PLCH2: variants seen among roughly 807,000 people sequenced by gnomAD.
PLCH2 encodes the protein 1-phosphatidylinositol 4,5-bisphosphate phosphodiesterase eta-2.
A neutral mutation model predicts 134.7 loss-of-function variants in PLCH2; 98 were observed. That is an observed-to-expected ratio of 0.73 (90% CI 0.62 to 0.86). PLCH2 has a LOEUF of 0.86. Among genes scored for constraint, PLCH2 ranks in the 40% least tolerant of loss-of-function variants. The pLI is 0.00. For missense variants in PLCH2, 1,994 were observed against 1,986.6 expected (o/e 1.00, Z -0.07); for synonymous variants, 974 against 827.5 (o/e 1.18, Z -3.04).
At chr1:2,466,770 AG>A (rs1469156128), upstream of PLCH2, among the ~76,000 whole-genome samples, 1 of 152,188 alleles carries the variant, frequency 6.6e-6, no homozygotes, top group Admixed American at 6.5e-5. Flanking sequence ...CAGCGCGTGC[AG>A]GGGGAGGCAG....
rs1240426808 is a variant in PLCH2 at position 2,439,587 on chromosome 1, G to A, written c.115+8958G>A. ...CCCATTGATTGAGTTGCGTGCACGT[G>A]CTCTCTCTGCAGTGCTCAGCTGTGC... is the stretch of plus-strand genomic sequence containing the variant. On this transcript the variant is annotated intron_variant, in intron 2 of 3. Coordinates refer to the PLCH2 transcript ENST00000609981. The surrounding 1 kb of genome is among the most constrained non-coding windows in gnomAD (Gnocchi z 4.7). 6.6e-6 allele frequency among the ~76,000 whole-genome samples: 1 copy of A among 152,210 alleles called. No homozygotes were observed. The highest frequency in any genetic ancestry group is 1.5e-5 in the Non-Finnish European group (1 of 68,032).
chr1:2,421,776 C>A (rs1174130609), upstream of PLCH2, among the ~76,000 whole-genome samples: 1 of 152,052 alleles, frequency 6.6e-6, no homozygotes, highest in African/African-American at 2.4e-5. Context: ...GAGTTTGAGA[C>A]CAGCCTGGCC....
At chr1:2,471,725 A>G (rs1641332071), upstream of PLCH2, among the ~76,000 whole-genome samples, 3 of 152,090 alleles carry the variant, frequency 2.0e-5, 1 homozygote, top group South Asian at 6.2e-4. Context: ...GGCCATCGAG[A>G]ACCTGTCCCC....
chr1:2,491,728 C>A (rs1023666293), intron 11 of PLCH2, among the ~76,000 whole-genome samples: 7 of 152,216 alleles, frequency 4.6e-5, no homozygotes, highest in African/African-American at 1.7e-4. Context: ...CCGGGTCCTG[C>A]GGTCACAGAG....
intron 2 of PLCH2, among the ~76,000 whole-genome samples, chr1:2,460,256 T>A (rs751565434): frequency 2.0e-5 from 3 of 152,192 alleles, no homozygotes; most frequent in African/African-American, 4.8e-5. Flanking sequence ...CCAGGCCGGG[T>A]TCCCCCAAGA....
chr1:2,424,411 A>AC (rs1175144541), upstream of PLCH2, among the ~76,000 whole-genome samples: 1 of 152,136 alleles, frequency 6.6e-6, no homozygotes, highest in African/African-American at 2.4e-5. Context: ...CCAGCTTTCT[A>AC]CCCTGCTTCT....
chr1:2,494,229 T>C (rs1477229803), intron 11 of PLCH2, among the ~76,000 whole-genome samples: 1 of 151,964 alleles, frequency 6.6e-6, no homozygotes, highest in Non-Finnish European at 1.5e-5. Flanking sequence ...GGAATGAGCT[T>C]TGGGGTGAAT....
chr1:2,457,937 T>A (rs77238314), intron 2 of PLCH2, among the ~76,000 whole-genome samples: 5,186 of 150,262 alleles, frequency 0.035, 174 homozygotes, highest in African/African-American at 0.089. Context: ...CGGCCCATGC[T>A]GTCCACCGGG....
At chr1:2,427,794 CAGAAG>C (rs1487768350) in intron 1 of PLCH2, among the ~76,000 whole-genome samples, 14 of 152,086 alleles carry the variant, frequency 9.2e-5, no homozygotes, top group African/African-American at 1.7e-4. Flanking sequence ...GGGAGCCCTC[CAGAAG>C]TGGGAGCCCT....
chr1:2,426,753 C>T (rs906810012), intron 1 of PLCH2, among the ~76,000 whole-genome samples: 3 of 152,208 alleles, frequency 2.0e-5, no homozygotes, highest in South Asian at 2.1e-4. Context: ...CTTCCTGACA[C>T]GGTTGTGGGG....
At chr1:2,422,765 A>C (rs1358842757), upstream of PLCH2, among the ~76,000 whole-genome samples, 1 of 151,662 alleles carries the variant, frequency 6.6e-6, no homozygotes, top group Non-Finnish European at 1.5e-5. Context: ...GTGGCCTCAA[A>C]CTCCTGGCCT....
chr1:2,431,849 C>G (rs1429441954), intron 2 of PLCH2, among the ~76,000 whole-genome samples: 1 of 152,138 alleles, frequency 6.6e-6, no homozygotes, highest in Non-Finnish European at 1.5e-5. Flanking sequence ...CTACCCTCAT[C>G]CTGGGGGCCT....
chr1:2,455,162 G>A (rs1455120124), intron 2 of PLCH2, among the ~76,000 whole-genome samples: 1 of 152,232 alleles, frequency 6.6e-6, no homozygotes, highest in African/African-American at 2.4e-5. Context: ...TTCTGAGATA[G>A]GAACTCAGCC....
At chr1:2,436,822 A>G (rs1639446244) in intron 2 of PLCH2, among the ~76,000 whole-genome samples, 1 of 152,200 alleles carries the variant, frequency 6.6e-6, no homozygotes, top group African/African-American at 2.4e-5. Context: ...TGAAGAGGGC[A>G]GGGTTGGTCT....
At chr1:2,467,426 G>A (rs1383118416), upstream of PLCH2, 7 of 375,164 alleles carry the variant, frequency 1.9e-5, no homozygotes, top group Non-Finnish European at 3.2e-5. Context: ...CGGCGGCCCC[G>A]TCCCGCCTTC....
Position 2,489,798 on chromosome 1 carries a change from G to A in PLCH2, c.1446G>A (p.Glu482=). 1.2e-6 allele frequency: 2 copies of A among 1,613,772 alleles called. No homozygotes were observed. The highest frequency in any genetic ancestry group is 1.7e-6 in the Non-Finnish European group (2 of 1,179,836). ...KLPANISEDA[E]EGEVSDEDSA... ...CAGCCAACATCAGCGAGGATGCGGA[G>A]GAAGGCGAGGTGTCTGATGAGGACA... Residue 482 remains glutamate, a synonymous_variant, in exon 10 of 22, where the codon GAG becomes GAA. Coordinates refer to ENST00000378486, the MANE Select transcript of PLCH2 (RefSeq NM_014638.4).
At chr1:2,447,013 C>T (rs1019590795) in intron 2 of PLCH2, among the ~76,000 whole-genome samples, 1 of 152,206 alleles carries the variant, frequency 6.6e-6, no homozygotes, top group Non-Finnish European at 1.5e-5. Context: ...GCCTCAGAGC[C>T]GCCCTCAGGG....
chr1:2,418,545 G>T, the PLCH2 span, among the ~76,000 whole-genome samples: 1,686 of 152,328 alleles, frequency 0.011, 18 homozygotes, highest in Non-Finnish European at 0.019. Flanking sequence ...ATCCACTCCT[G>T]TTCTCCTCTG....
Position 2,499,725 on chromosome 1 carries a change from G to A in PLCH2, c.2661+5G>A. On this transcript the variant is annotated splice_donor_5th_base_variant and intron_variant, in intron 20 of 21. Transcript: ENST00000378486. The stretch of plus-strand genomic sequence containing the variant: ...GTCAGTGACATCAGCGGTAAGGTGA[G>A]TGTCACCCCCTGCCACCAGCCATCA... The A allele has an allele frequency of 6.4e-7, 1 of 1,573,224 alleles. No individual in the cohort carries two copies. Among genetic ancestry groups the A allele is most frequent in the African/African-American group, 1.4e-5 (1 of 73,944 alleles).
Sources: gnomAD v4.1 joint callset for allele counts (sites outside exome capture counted in the v4.1 genomes callset) on GRCh38, gnomAD v4.1.1 for gene constraint, Gnocchi (gnomAD v3.1) non-coding constraint, MANE v1.5 for transcripts, NCBI Gene and HGNC (gene_info 2026-07-23, HGNC 2026-07-21) for gene names.